Variants in MYOF observed in about 807,000 individuals in gnomAD.
MYOF encodes myoferlin, also known as fer-1-like 3, myoferlin.
A neutral mutation model predicts 284.2 loss-of-function variants in MYOF; 244 were observed. The ratio of observed to expected loss-of-function variants is 0.86; its 90% CI spans 0.77 to 0.95. The LOEUF is 0.95. Ranked by LOEUF, MYOF falls within the 40% of genes least tolerant of loss-of-function variation. The probability of loss-of-function intolerance (pLI) is 0.00; values close to 1 mark genes in which losing one functional copy is unlikely to be tolerated. For synonymous variants in MYOF, 904 were observed against 919.7 expected, an observed-to-expected ratio of 0.98 and a Z score of 0.31; for missense variants, 2,496 against 2,560.6, an observed-to-expected ratio of 0.97 and a Z score of 0.54.
chr10:93,458,822 C>T (rs1157714198), intron 1 of MYOF, among the ~76,000 whole-genome samples: 5 of 152,234 alleles, frequency 3.3e-5, no homozygotes, highest in Admixed American at 1.3e-4. Context: ...CACTTTGAAT[C>T]ACTCCTCAGC....
chr10:93,363,939 C>T (rs1006702504), intron 27 of MYOF, 22 bp downstream of exon 27: 7 of 1,608,628 alleles, frequency 4.4e-6, no homozygotes, highest in Non-Finnish European at 6.0e-6. Context: ...GTGAGAGTTT[C>T]TCTCCGGAGC....
At chr10:93,386,559 G>A (rs1174038937) in intron 19 of MYOF, among the ~76,000 whole-genome samples, 1 of 152,156 alleles carries the variant, frequency 6.6e-6, no homozygotes, top group African/African-American at 2.4e-5. Flanking sequence ...GGTGGAGAGA[G>A]GGCAGTCTCA....
At chr10:93,396,286 A>T in intron 15 of MYOF, 62 bp from the exon 16 acceptor site, 1 of 1,151,164 alleles carries the variant, frequency 8.7e-7, no homozygotes, top group Non-Finnish European at 1.2e-6. Context: ...ATCTAGGAAG[A>T]TATGTCTTCA....
At chr10:93,308,969 C>T (rs920265929) in intron 53 of MYOF, among the ~76,000 whole-genome samples, 3 of 152,142 alleles carry the variant, frequency 2.0e-5, no homozygotes, top group Non-Finnish European at 4.4e-5. Flanking sequence ...GCCTCGGCCT[C>T]CCAAAGTGCC....
At chr10:93,476,531 A>G (rs1349189470) in intron 1 of MYOF, among the ~76,000 whole-genome samples, 1 of 152,028 alleles carries the variant, frequency 6.6e-6, no homozygotes, top group East Asian at 1.9e-4. Flanking sequence ...GCTTTAAAAG[A>G]TATATTCTTG....
At chr10:93,364,194 T>C in intron 26 of MYOF, 119 bp from the exon 27 acceptor site, 1 of 749,152 alleles carries the variant, frequency 1.3e-6, no homozygotes, top group South Asian at 1.7e-5. Context: ...CTCCTCGCTT[T>C]ACCCCTGTTG....
intron 27 of MYOF, among the ~76,000 whole-genome samples, chr10:93,361,971 C>A (rs1362373350): frequency 6.6e-6 from 1 of 152,168 alleles, no homozygotes; most frequent in East Asian, 1.9e-4. Flanking sequence ...TGTTTTGAGA[C>A]AGAGCCTCGC....
In MYOF at chr10:93,396,234, A is replaced by G. The variant is rs1274633639; in HGVS notation, c.1335-10T>C. 1 of 1,546,396 alleles carries G rather than the reference A, an allele frequency of 6.5e-7. No individual in the cohort carries two copies. Among genetic ancestry groups the G allele is most frequent in the South Asian group, 1.2e-5 (1 of 81,946 alleles). ...TTTAGTAAGACGGTCCCTGTGTAAA[A>G]AATAAAAATAAAAAAATAAAAAATA... On this transcript the variant is annotated splice_polypyrimidine_tract_variant and intron_variant, in intron 15 of 53. Transcript: ENST00000359263.
At chr10:93,457,014 G>A in intron 1 of MYOF, 77 bp from the exon 2 acceptor site, 5 of 1,095,122 alleles carry the variant, frequency 4.6e-6, no homozygotes, top group Non-Finnish European at 6.7e-6. Context: ...TTTATTCTAA[G>A]AACATTACCC....
At chr10:93,475,711 G>A (rs1589624275) in intron 1 of MYOF, among the ~76,000 whole-genome samples, 1 of 152,152 alleles carries the variant, frequency 6.6e-6, no homozygotes, top group Non-Finnish European at 1.5e-5. Flanking sequence ...CTTCTTGGCA[G>A]GGCCAAATCC....
chr10:93,325,459 C>G (rs948673564), intron 46 of MYOF, among the ~76,000 whole-genome samples: 1 of 152,172 alleles, frequency 6.6e-6, no homozygotes, highest in African/African-American at 2.4e-5. Flanking sequence ...AATCCCTATG[C>G]ATTTAGAAGT....
chr10:93,399,991 G>A (rs1043944470), intron 12 of MYOF, among the ~76,000 whole-genome samples: 6 of 152,200 alleles, frequency 3.9e-5, no homozygotes, highest in Non-Finnish European at 8.8e-5. Flanking sequence ...GCCAGTATAT[G>A]CCAGCCTCCA....
At chr10:93,463,979 G>A (rs1313360993) in intron 1 of MYOF, among the ~76,000 whole-genome samples, 3 of 152,026 alleles carry the variant, frequency 2.0e-5, no homozygotes, top group Admixed American at 6.6e-5. Flanking sequence ...AGTTGGCTAG[G>A]CTATGGTGGT....
In MYOF at chr10:93,333,862, G is replaced by A. The variant is rs61861290; in HGVS notation, c.4615C>T (p.Pro1539Ser). ...LPDDPSVPAP[P>S]RQFRELPDSV... is the part of the protein sequence containing the mutation. ...TCAGGTAATTCCCGAAACTGTCTGG[G>A]AGGGGCTGGCACGCTGGGGTCATCC... Residue 1539 changes from proline to serine, a missense_variant, in exon 42 of 54, where the codon CCC (proline) becomes TCC (serine). Pro to Ser is a moderately conservative substitution (Grantham distance 74). Coordinates refer to ENST00000359263, the MANE Select transcript of MYOF (RefSeq NM_013451.4). 0.014 allele frequency: 22,541 copies of A among 1,614,076 alleles called. 184 individuals are homozygous for A. The highest frequency in any genetic ancestry group is 0.021 in the Middle Eastern group (127 of 6,060).
intron 49 of MYOF, among the ~76,000 whole-genome samples, chr10:93,317,409 G>A (rs1842659637): frequency 6.6e-6 from 1 of 151,916 alleles, no homozygotes; most frequent in South Asian, 2.1e-4. Context: ...AGGCCGAGGG[G>A]GTAGATTACT....
At chr10:93,383,916 T>C (rs1846238127) in intron 19 of MYOF, among the ~76,000 whole-genome samples, 1 of 152,128 alleles carries the variant, frequency 6.6e-6, no homozygotes, top group Non-Finnish European at 1.5e-5. Context: ...GGCCTCCACA[T>C]AGCCAGGATT....
At chr10:93,467,675 G>T (rs1024094897) in intron 1 of MYOF, among the ~76,000 whole-genome samples, 1 of 152,094 alleles carries the variant, frequency 6.6e-6, no homozygotes, top group African/African-American at 2.4e-5. Flanking sequence ...ACATGCACAC[G>T]TATGTTTATT....
In MYOF at chr10:93,378,693, G is replaced by A. The variant is rs867606794; in HGVS notation, c.2001+1170C>T. 4.8e-4 allele frequency among the ~76,000 whole-genome samples: 42 copies of A among 87,886 alleles called. 1 individual carries two copies. Among genetic ancestry groups the A allele is most frequent in the African/African-American group, 1.6e-3 (33 of 20,796 alleles). 57.7% of individuals were successfully genotyped at this position (87,886 alleles called of 152,430 possible). On this transcript the variant is annotated intron_variant, in intron 21 of 53. Coordinates refer to ENST00000359263, the MANE Select transcript of MYOF (RefSeq NM_013451.4). The stretch of plus-strand genomic sequence containing the variant: ...TATGTGTGTGTGTATGTGTGTGTGT[G>A]TATATATATATATATATATATATGT...
intron 1 of MYOF, among the ~76,000 whole-genome samples, chr10:93,463,766 G>A (rs10786100): frequency 0.91 from 137,006 of 151,202 alleles, 62,293 homozygotes; most frequent in East Asian, 1. Context: ...CAGCTACTCA[G>A]GAGGCTGAGG....
Sources: gnomAD v4.1 joint callset for allele counts (sites outside exome capture counted in the v4.1 genomes callset) on GRCh38, gnomAD v4.1.1 for gene constraint, MANE v1.5 for transcripts, NCBI Gene and HGNC (gene_info 2026-07-23, HGNC 2026-07-21) for gene names.